ARHGAP10: variants seen among roughly 807,000 people sequenced by gnomAD.
ARHGAP10 encodes the protein rho GTPase-activating protein 10.
Under a neutral mutation model 108.6 loss-of-function variants are expected in ARHGAP10, and 87 were observed. That is an observed-to-expected ratio of 0.80 (90% CI 0.67 to 0.96). The LOEUF (loss-of-function observed/expected upper bound fraction) is 0.96, where lower values mean the gene tolerates loss of function less well. ARHGAP10 is among the 40% of genes least tolerant of loss of function. The probability of loss-of-function intolerance (pLI) is 0.00; values close to 1 mark genes in which losing one functional copy is unlikely to be tolerated. For synonymous variants in ARHGAP10, 347 were observed against 341.1 expected (o/e 1.02, Z -0.19); for missense variants, 939 against 954.5 (o/e 0.98, Z 0.21).
chr4:147,797,750 A>T (rs528596076), intron 1 of ARHGAP10, among the ~76,000 whole-genome samples: 80 of 151,896 alleles, frequency 5.3e-4, no homozygotes, highest in African/African-American at 1.8e-3. Flanking sequence ...TTTATTTGTC[A>T]CTTCGGTCTG....
chr4:147,878,869 T>C, intron 8 of ARHGAP10, among the ~76,000 whole-genome samples: 1 of 151,652 alleles, frequency 6.6e-6, no homozygotes. Context: ...CTCTGCCTCT[T>C]GGGTTCACAC....
intron 3 of ARHGAP10, among the ~76,000 whole-genome samples, chr4:147,834,982 ATTCAGGGT>A (rs1332862576): frequency 6.6e-6 from 1 of 152,142 alleles, no homozygotes; most frequent in Non-Finnish European, 1.5e-5. Flanking sequence ...GGAGTAAAAG[ATTCAGGGT>A]ACTTAGCATT....
intron 18 of ARHGAP10, among the ~76,000 whole-genome samples, chr4:148,002,754 G>A (rs1256304352): frequency 6.6e-6 from 1 of 152,150 alleles, no homozygotes; most frequent in African/African-American, 2.4e-5. Flanking sequence ...GGGATCAGTG[G>A]TGATATCCTC....
chr4:148,050,217 G>A (rs1438163546), intron 20 of ARHGAP10, among the ~76,000 whole-genome samples: 1 of 151,810 alleles, frequency 6.6e-6, no homozygotes, highest in African/African-American at 2.4e-5. Context: ...GAACTTTTTT[G>A]TGATATTGAT....
intron 19 of ARHGAP10, among the ~76,000 whole-genome samples, chr4:148,035,960 A>G (rs1269507306): frequency 6.6e-6 from 1 of 152,198 alleles, no homozygotes; most frequent in Non-Finnish European, 1.5e-5. Flanking sequence ...TTTTTAAAAA[A>G]GATATCTCTA....
chr4:148,023,115 C>T, intron 18 of ARHGAP10, 148 bp from the exon 19 acceptor site: 4 of 742,712 alleles, frequency 5.4e-6, no homozygotes, highest in Admixed American at 3.0e-5. Flanking sequence ...AGGCTATGAC[C>T]TCTTCCCTTC....
chr4:147,996,877 A>G (rs1740497603), intron 18 of ARHGAP10, among the ~76,000 whole-genome samples: 1 of 152,202 alleles, frequency 6.6e-6, no homozygotes, highest in Admixed American at 6.5e-5. Flanking sequence ...AGGGAGAAGC[A>G]GCCATCCACA....
At chr4:148,023,559 T>G in intron 19 of ARHGAP10, 146 bp downstream of exon 19, 1 of 984,444 alleles carries the variant, frequency 1.0e-6, no homozygotes, top group East Asian at 2.9e-5. Context: ...ACAGGGAGGG[T>G]GAAGCTTTTT....
chr4:147,901,853 A>G (rs1422600393), intron 10 of ARHGAP10, among the ~76,000 whole-genome samples: 2 of 152,206 alleles, frequency 1.3e-5, no homozygotes, highest in African/African-American at 4.8e-5. Context: ...ATATACAACC[A>G]TCTATCTTGA....
intron 19 of ARHGAP10, among the ~76,000 whole-genome samples, chr4:148,039,095 G>A (rs1728507850): frequency 6.6e-6 from 1 of 151,610 alleles, no homozygotes; most frequent in Admixed American, 6.6e-5. Flanking sequence ...GGATTATTTT[G>A]GTTATGTTAT....
Position 147,806,188 on chromosome 4 carries a change from T to C in ARHGAP10, c.155-16539T>C, listed in dbSNP as rs534060819. On this transcript the variant is annotated intron_variant, in intron 1 of 22. Transcript: ENST00000336498. Reference sequence around the variant, plus strand: ...CTCCCCACCCATCTTACCACCTCAGTGTCCAGAGTCCAGGCGGCTTTCCAG... The same window carrying C: ...CTCCCCACCCATCTTACCACCTCAGCGTCCAGAGTCCAGGCGGCTTTCCAG... Among the ~76,000 whole-genome samples the C allele has an allele frequency of 2.2e-3, 340 of 152,280 alleles. 1 individual carries two copies. Among genetic ancestry groups the C allele is most frequent in the African/African-American group, 7.8e-3 (323 of 41,568 alleles).
intron 18 of ARHGAP10, among the ~76,000 whole-genome samples, chr4:148,007,192 A>C (rs1219975396): frequency 6.6e-6 from 1 of 152,118 alleles, no homozygotes; most frequent in African/African-American, 2.4e-5. Flanking sequence ...CAGTTTATTA[A>C]CCTTTTTTGT....
At chr4:148,014,340 T>A (rs1741273807) in intron 18 of ARHGAP10, among the ~76,000 whole-genome samples, 1 of 152,226 alleles carries the variant, frequency 6.6e-6, no homozygotes, top group African/African-American at 2.4e-5. Context: ...TCGTATGCTG[T>A]GTTTTCCAAA....
chr4:147,840,364 T>G (rs540860547), intron 3 of ARHGAP10, among the ~76,000 whole-genome samples: 2 of 152,176 alleles, frequency 1.3e-5, no homozygotes, highest in Non-Finnish European at 2.9e-5. Flanking sequence ...AGCTTTCATG[T>G]TTCCACTAAA....
chr4:147,913,044 A>G (rs779240333), intron 12 of ARHGAP10, 30 bp from the exon 13 acceptor site: 8 of 1,571,764 alleles, frequency 5.1e-6, no homozygotes, highest in Non-Finnish European at 6.1e-6. Flanking sequence ...TAATAATTGT[A>G]CACTTAATGT....
intron 12 of ARHGAP10, among the ~76,000 whole-genome samples, chr4:147,910,509 T>C (rs1011790151): frequency 6.6e-6 from 1 of 152,218 alleles, no homozygotes; most frequent in African/African-American, 2.4e-5. Flanking sequence ...AGCCTTGATA[T>C]GCTTTATCTT....
At chr4:147,967,828 G>A (rs545019262) in intron 18 of ARHGAP10, among the ~76,000 whole-genome samples, 1 of 152,264 alleles carries the variant, frequency 6.6e-6, no homozygotes, top group African/African-American at 2.4e-5. Flanking sequence ...AATCACCTGA[G>A]GGCCTCTTGT....
At chr4:148,001,346 G>A (rs6839164) in intron 18 of ARHGAP10, among the ~76,000 whole-genome samples, 309 of 152,254 alleles carry the variant, frequency 2.0e-3, no homozygotes, top group African/African-American at 6.1e-3. Context: ...GTCAGGTAGC[G>A]TGATGCCTCC....
chr4:147,752,541 CTTT>C (rs111694555), intron 1 of ARHGAP10, among the ~76,000 whole-genome samples: 8 of 143,544 alleles, frequency 5.6e-5, no homozygotes, highest in Non-Finnish European at 4.6e-5. Flanking sequence ...ACAGTTTGAT[CTTT>C]TTTTTTTTTT....
Sources: allele counts gnomAD v4.1 joint callset (sites outside exome capture counted in the v4.1 genomes callset), GRCh38; gene constraint gnomAD v4.1.1; transcripts MANE v1.5; gene names NCBI Gene and HGNC (gene_info 2026-07-23, HGNC 2026-07-21).